The following FAAP20 variants were observed in gnomAD, a reference collection of about 807,000 sequenced individuals.
FAAP20 encodes FA core complex associated protein 20.
FAAP20 carries 12 observed loss-of-function variants against 16.2 expected under a neutral mutation model. The ratio of observed to expected loss-of-function variants is 0.74; its 90% CI spans 0.48 to 1.20. FAAP20 has a LOEUF of 1.20. Ranked by LOEUF, FAAP20 falls within the 50% of genes most tolerant of loss-of-function variation. FAAP20 has a pLI of 0.00. For missense variants in FAAP20, 288 were observed against 245.8 expected, an observed-to-expected ratio of 1.17 and a Z score of -1.15; for synonymous variants, 141 against 110.7, an observed-to-expected ratio of 1.27 and a Z score of -1.72.
upstream of FAAP20, chr1:2,199,103 A>G (rs941178976): frequency 2.2e-5 from 26 of 1,189,078 alleles, no homozygotes; most frequent in Middle Eastern, 7.8e-4. The surrounding 1 kb of genome is among the most constrained non-coding windows in gnomAD (Gnocchi z 4.5). Flanking sequence ...CCAGAAAGCC[A>G]GGAGCAGCTG....
chr1:2,203,291 C>T (rs909549737), upstream of FAAP20: 10 of 506,854 alleles, frequency 2.0e-5, no homozygotes, highest in Non-Finnish European at 2.3e-5. Flanking sequence ...AGACAAGCCC[C>T]GCCCTCCCTT....
chr1:2,211,169 C>G (rs1689423310), downstream of FAAP20, among the ~76,000 whole-genome samples: 1 of 151,718 alleles, frequency 6.6e-6, no homozygotes, highest in African/African-American at 2.4e-5. Flanking sequence ...GGGCCCCTGC[C>G]GCCATGCCAC....
At chr1:2,185,368 A>C (rs551230258), downstream of FAAP20, 4 of 718,556 alleles carry the variant, frequency 5.6e-6, no homozygotes, top group Non-Finnish European at 1.0e-5. Context: ...TAGCGTCCTG[A>C]GGAATAAAAT....
chr1:2,190,112 G>A (rs1043922192), intron 3 of FAAP20: 3 of 535,164 alleles, frequency 5.6e-6, no homozygotes, highest in South Asian at 4.6e-5. Context: ...GCAGACAGGC[G>A]GCCTGACCCG....
downstream of FAAP20, chr1:2,185,502 G>C (rs1687453766): frequency 1.4e-6 from 1 of 717,516 alleles, no homozygotes; most frequent in African/African-American, 1.7e-5. Flanking sequence ...GTGGGGGCGG[G>C]AGTTGAAGTA....
upstream of FAAP20, among the ~76,000 whole-genome samples, chr1:2,195,843 C>T (rs181599402): frequency 1.4e-4 from 22 of 152,344 alleles, no homozygotes; most frequent in African/African-American, 4.8e-4. Flanking sequence ...GGTTTTCTTC[C>T]GCACACCTTC....
chr1:2,211,971 C>G (rs1337039807), downstream of FAAP20, among the ~76,000 whole-genome samples: 2 of 137,396 alleles, frequency 1.5e-5, no homozygotes, highest in Admixed American at 1.5e-4. Context: ...AGTGTGATCT[C>G]GGCTCACTGC....
intron 3 of FAAP20, chr1:2,193,302 C>A (rs955675077): frequency 2.0e-5 from 10 of 494,310 alleles, no homozygotes; most frequent in African/African-American, 3.9e-5. Context: ...GACGCACTCT[C>A]GGGAAGGTGT....
downstream of FAAP20, chr1:2,186,154 A>G (rs1345109707): frequency 2.3e-6 from 1 of 440,444 alleles, no homozygotes; most frequent in African/African-American, 2.0e-5. Flanking sequence ...CCTGGTGCAC[A>G]GGTGTGGAAA....
In FAAP20 at chr1:2,193,737, A is replaced by G. The variant is rs1323769260; in HGVS notation, c.372T>C (p.Pro124=). Residue 124 remains proline, a synonymous_variant, in exon 3 of 4, where the codon CCT becomes CCC. Coordinates refer to ENST00000378546, the MANE Select transcript of FAAP20 (RefSeq NM_182533.4). The part of the protein sequence containing the change: ...PARSLPQRPA[P]DPCRAPRVEQ... ...CCACCCTGGGGGCCCTGCAGGGATC[A>G]GGTGCCGGGCGCTGGGGCAGGGACC... 6.3e-7 allele frequency: 1 copy of G among 1,590,522 alleles called. No homozygotes were observed. The highest frequency in any genetic ancestry group is 8.5e-7 in the Non-Finnish European group (1 of 1,172,486).
chr1:2,192,574 A>G, intron 3 of FAAP20: 1 of 1,049,792 alleles, frequency 9.5e-7, no homozygotes, highest in Non-Finnish European at 1.2e-6. Context: ...AGGATCTCAG[A>G]GCTTCAGCCA....
rs1266867815 is a variant in FAAP20 at position 2,193,708 on chromosome 1, T to A, written c.401A>T (p.Gln134Leu). 1 of 1,592,464 alleles carries A rather than the reference T, an allele frequency of 6.3e-7. No individual in the cohort carries two copies. The highest frequency in any genetic ancestry group is 8.5e-7 in the Non-Finnish European group (1 of 1,173,174). ...CGCGGCACCCTCCACAGACGGCTGCTGCTCCACCCTGGGGGCCCTGCAGGG... is the reference window on the plus strand; with the variant it reads ...CGCGGCACCCTCCACAGACGGCTGCAGCTCCACCCTGGGGGCCCTGCAGGG... ...PDPCRAPRVEQQPSVEGAAAL... is the reference protein window; with the variant it reads ...PDPCRAPRVELQPSVEGAAAL... Residue 134 changes from glutamine (Q) to leucine (L), a missense_variant, in exon 3 of 4, where the codon CAG becomes CTG. Physicochemically the swap from Gln to Leu is moderately radical, Grantham distance 113. Coordinates refer to ENST00000378546, the MANE Select transcript of FAAP20 (RefSeq NM_182533.4).
chr1:2,194,944 GC>G (rs1557785252), upstream of FAAP20, among the ~76,000 whole-genome samples: 3 of 151,868 alleles, frequency 2.0e-5, no homozygotes, highest in Admixed American at 2.0e-4. Flanking sequence ...GCACAGGGGG[GC>G]CTGGCGTGAG....
At chr1:2,198,533 G>T, upstream of FAAP20, 1 of 564,234 alleles carries the variant, frequency 1.8e-6, no homozygotes, top group Non-Finnish European at 2.7e-6. Context: ...GTTCATCTCT[G>T]CCCAGCGCTG....
At chr1:2,199,073 C>T (rs1298919873), upstream of FAAP20, 2 of 1,202,768 alleles carry the variant, frequency 1.7e-6, no homozygotes, top group African/African-American at 1.6e-5. This position sits in a 1 kb window ranked among gnomAD's most constrained non-coding sequence, Gnocchi z 4.5. Flanking sequence ...ATGGCACAGG[C>T]CTGCCCCTGA....
chr1:2,209,958 C>T (rs572046025), downstream of FAAP20, among the ~76,000 whole-genome samples: 38 of 152,312 alleles, frequency 2.5e-4, no homozygotes, highest in East Asian at 1.9e-3. Context: ...GAAACGCTCA[C>T]GGGGCCTCTG....
Position 2,194,696 on chromosome 1 carries a change from C to T in FAAP20, c.54G>A (p.Pro18=). 2 of 1,161,480 alleles carry T rather than the reference C, an allele frequency of 1.7e-6. No individual in the cohort carries two copies. The highest frequency in any genetic ancestry group is 2.1e-6 in the Non-Finnish European group (2 of 945,438). 71.9% of individuals were successfully genotyped at this position (1,161,480 alleles called of 1,614,324 possible). A position where few individuals can be genotyped will look rare whatever the true frequency, so the allele number is the denominator to read the frequency against. ...RLGLSRRRPR[P]AGGPSGGRPW... The stretch of plus-strand genomic sequence containing the variant: ...CCGGCTCCCGGCCTCACCCGCCCGC[C>T]GGGCGCGGCCTCCGGCGGCTCAACC... Residue 18 remains proline (P), a synonymous_variant, in exon 1 of 4, where the codon CCG becomes CCA. Transcript: ENST00000378546.
At chr1:2,185,068 C>T (rs761856384), downstream of FAAP20, 7 of 1,471,364 alleles carry the variant, frequency 4.8e-6, no homozygotes, top group Non-Finnish European at 6.5e-6. Flanking sequence ...TATCCTTAAC[C>T]ACCGCATATG....
downstream of FAAP20, among the ~76,000 whole-genome samples, chr1:2,210,197 A>G (rs1402754914): frequency 2.0e-5 from 3 of 152,202 alleles, no homozygotes; most frequent in African/African-American, 7.2e-5. Flanking sequence ...CGTGTCAGAC[A>G]GAGGCGAGTT....
Sources: allele counts gnomAD v4.1 joint callset (sites outside exome capture counted in the v4.1 genomes callset), GRCh38; gene constraint gnomAD v4.1.1; non-coding constraint Gnocchi (gnomAD v3.1); transcripts MANE v1.5; gene names NCBI Gene and HGNC (gene_info 2026-07-23, HGNC 2026-07-21).